ZNF729: variants seen among roughly 807,000 people sequenced by gnomAD.
ZNF729 encodes zinc finger protein 729.
Under a neutral mutation model 12.2 loss-of-function variants are expected in ZNF729, and 15 were observed. The ratio of observed to expected loss-of-function variants is 1.23; its 90% CI spans 0.82 to 1.89. The LOEUF (loss-of-function observed/expected upper bound fraction) is 1.89. Among genes scored for constraint, ZNF729 ranks in the 40% most tolerant of loss-of-function variants. The pLI is 0.00. For missense variants in ZNF729, 1,540 were observed against 1,456.7 expected, an observed-to-expected ratio of 1.06 and a Z score of -0.93; for synonymous variants, 492 against 476.3, an observed-to-expected ratio of 1.03 and a Z score of -0.43.
At chr19:22,287,750 A>G (rs1215911815) in intron 1 of ZNF729, among the ~76,000 whole-genome samples, 1 of 150,998 alleles carries the variant, frequency 6.6e-6, no homozygotes, top group Non-Finnish European at 1.5e-5. Flanking sequence ...CCATTCCTGC[A>G]GCCTATCTCT....
chr19:22,316,920 C>T lies in ZNF729; in HGVS notation c.3503C>T (p.Ala1168Val). The T allele has an allele frequency of 2.5e-6, 4 of 1,613,038 alleles. No individual in the cohort carries two copies. In the South Asian group the frequency reaches 4.4e-5, roughly 18 times the overall value. The change falls in exon 4 of 4, where the codon GCC becomes GTC. Residue 1168 changes from alanine (A) to valine (V), a missense_variant. By Grantham distance (64) the Ala-to-Val change is moderately conservative. Transcript: ENST00000601693. ...KPYKCEECGK[A>V]FNQSSHLTRH... ...TACAAATGTGAAGAATGTGGCAAAG[C>T]CTTTAACCAGTCCTCACACCTTACT...
At position 22,316,144 on chromosome 19, in the gene ZNF729, A is replaced by C. The variant is rs1252753251; in HGVS notation, c.2727A>C (p.Lys909Asn). Residue 909 changes from lysine (K) to asparagine (N), a missense_variant, in exon 4 of 4, where the codon AAA (lysine) becomes AAC (asparagine). Coordinates refer to ENST00000601693, the MANE Select transcript of ZNF729 (RefSeq NM_001242680.2). ...KVIHTAEKPCKCEECGKAFKH... is the reference protein window; with the variant it reads ...KVIHTAEKPCNCEECGKAFKH... Reference sequence around the variant, plus strand: ...TTCATACTGCAGAGAAACCCTGTAAATGTGAAGAATGTGGCAAAGCTTTTA... The same window carrying C: ...TTCATACTGCAGAGAAACCCTGTAACTGTGAAGAATGTGGCAAAGCTTTTA... 9 of 1,577,702 alleles carry C rather than the reference A, an allele frequency of 5.7e-6. No homozygotes were observed. The highest frequency in any genetic ancestry group is 7.8e-6 in the Non-Finnish European group (9 of 1,152,814).
Position 22,314,229 on chromosome 19 carries a change from A to G in ZNF729, c.812A>G (p.Lys271Arg). The G allele has an allele frequency of 6.2e-7, 1 of 1,606,710 alleles. No homozygotes were observed. The highest frequency in any genetic ancestry group is 8.5e-7 in the Non-Finnish European group (1 of 1,176,998). ...CCTTTCAGATGTGAAGAATGTGGCA[A>G]AGCTTTTAACCAGTCCTCAAATCTT... ...ETPFRCEECG[K>R]AFNQSSNLTD... The change falls in exon 4 of 4, where the codon AAA (lysine) becomes AGA (arginine). Residue 271 changes from lysine to arginine, a missense_variant. Transcript: ENST00000601693.
rs749696327 is a variant in ZNF729, at chr19:22,314,885, T to C, written c.1468T>C (p.Cys490Arg). The change falls in exon 4 of 4, where the codon TGT becomes CGT. Residue 490 changes from cysteine (C) to arginine (R), a missense_variant. Coordinates refer to ENST00000601693, the MANE Select transcript of ZNF729 (RefSeq NM_001242680.2). ...TCATACTGGAGAGAAACCCTACAAATGTGAAGAATGTGGCAAAGCTTTTAA... is the reference window on the plus strand; with the variant it reads ...TCATACTGGAGAGAAACCCTACAAACGTGAAGAATGTGGCAAAGCTTTTAA... ...AIHTGEKPYK[C>R]EECGKAFNHF... 5.6e-6 allele frequency: 9 copies of C among 1,613,080 alleles called. No homozygotes were observed. Among genetic ancestry groups the C allele is most frequent in the Admixed American group, 3.3e-5 (2 of 59,976 alleles).
intron 3 of ZNF729, among the ~76,000 whole-genome samples, chr19:22,312,476 GTT>G (rs974549566): frequency 1.4e-5 from 2 of 142,852 alleles, no homozygotes; most frequent in African/African-American, 5.1e-5. Flanking sequence ...GTGTGTGTGT[GTT>G]TAGATAAAGA....
chr19:22,305,939 A>T (rs1968372481), intron 3 of ZNF729, among the ~76,000 whole-genome samples: 1 of 152,116 alleles, frequency 6.6e-6, no homozygotes, highest in Admixed American at 6.5e-5. Flanking sequence ...AAGTAGCTGG[A>T]TTACAGGCAC....
At chr19:22,289,135 T>A (rs1409941298) in intron 1 of ZNF729, among the ~76,000 whole-genome samples, 1 of 151,906 alleles carries the variant, frequency 6.6e-6, no homozygotes, top group Non-Finnish European at 1.5e-5. Flanking sequence ...TTAGTAGGGA[T>A]TGAAAGAAAG....
intron 3 of ZNF729, among the ~76,000 whole-genome samples, chr19:22,305,011 T>C (rs1968361444): frequency 6.6e-6 from 1 of 152,344 alleles, no homozygotes; most frequent in East Asian, 1.9e-4. Flanking sequence ...AAGTTTACAA[T>C]GAGAGCCAAA....
intron 1 of ZNF729, among the ~76,000 whole-genome samples, chr19:22,301,741 T>C (rs1364920224): frequency 6.6e-6 from 1 of 152,310 alleles, no homozygotes; most frequent in Non-Finnish European, 1.5e-5. Flanking sequence ...TCTGTAAGTA[T>C]AAACAGGCAT....
At chr19:22,289,977 A>G (rs1599751042) in intron 1 of ZNF729, among the ~76,000 whole-genome samples, 1 of 152,350 alleles carries the variant, frequency 6.6e-6, no homozygotes, top group East Asian at 1.9e-4. Context: ...ATAAAATGTA[A>G]GCACCTTAAA....
chr19:22,301,316 G>T (rs564596615), intron 1 of ZNF729, among the ~76,000 whole-genome samples: 1 of 152,264 alleles, frequency 6.6e-6, no homozygotes, highest in Admixed American at 6.5e-5. Context: ...TTGCTCCCAG[G>T]TTACAGTCCT....
chr19:22,296,360 G>A (rs1968229990), intron 1 of ZNF729, among the ~76,000 whole-genome samples: 1 of 152,130 alleles, frequency 6.6e-6, no homozygotes, highest in African/African-American at 2.4e-5. Flanking sequence ...TTTGGAGAAT[G>A]TATTTGTCTA....
intron 1 of ZNF729, among the ~76,000 whole-genome samples, chr19:22,297,577 CTTA>C (rs979957693): frequency 6.6e-5 from 10 of 151,622 alleles, no homozygotes; most frequent in East Asian, 3.9e-4. Context: ...AAATGAACCT[CTTA>C]TTATTCTTTG....
chr19:22,287,757 C>G (rs1241073078), intron 1 of ZNF729, among the ~76,000 whole-genome samples: 1 of 151,460 alleles, frequency 6.6e-6, no homozygotes, highest in Non-Finnish European at 1.5e-5. Context: ...TGCAGCCTAT[C>G]TCTGGCTTGC....
intron 1 of ZNF729, 88 bp downstream of exon 1, chr19:22,286,643 C>G (rs115202537): frequency 2.6e-6 from 4 of 1,523,142 alleles, no homozygotes; most frequent in Non-Finnish European, 3.6e-6. Flanking sequence ...CCGGCCTCCC[C>G]GCAGTCAGCT....
intron 1 of ZNF729, among the ~76,000 whole-genome samples, chr19:22,291,137 G>A (rs1443054628): frequency 6.6e-6 from 1 of 152,098 alleles, no homozygotes; most frequent in Non-Finnish European, 1.5e-5. Context: ...TTGGAGAATT[G>A]CTTGGTGTTT....
At chr19:22,312,379 G>T (rs1455901098) in intron 3 of ZNF729, among the ~76,000 whole-genome samples, 1 of 151,778 alleles carries the variant, frequency 6.6e-6, no homozygotes, top group Non-Finnish European at 1.5e-5. Context: ...GAAACCAATT[G>T]TCTTGGCTAG....
intron 3 of ZNF729, among the ~76,000 whole-genome samples, chr19:22,307,741 CAAA>C (rs113645678): frequency 3.1e-5 from 2 of 64,322 alleles, no homozygotes; most frequent in Non-Finnish European, 6.5e-5. Context: ...AAAACTCCAT[CAAA>C]AAAAAAAAAA....
chr19:22,301,529 A>T (rs1599755240), intron 1 of ZNF729, among the ~76,000 whole-genome samples: 1 of 152,406 alleles, frequency 6.6e-6, no homozygotes, highest in African/African-American at 2.4e-5. Context: ...CCTCTGCCTA[A>T]GATTTACAAG....
Sources: allele counts gnomAD v4.1 joint callset (sites outside exome capture counted in the v4.1 genomes callset), GRCh38; gene constraint gnomAD v4.1.1; transcripts MANE v1.5; gene names NCBI Gene and HGNC (gene_info 2026-07-23, HGNC 2026-07-21).